Variants in PPP6R1 observed in about 807,000 individuals in gnomAD.
The protein encoded by PPP6R1 is serine/threonine-protein phosphatase 6 regulatory subunit 1.
Under a neutral mutation model 104.6 loss-of-function variants are expected in PPP6R1, and 39 were observed. The observed-to-expected ratio is 0.37, with a 90% confidence interval of 0.29 to 0.49. The LOEUF is 0.49. Ranked by LOEUF, PPP6R1 falls within the 20% of genes least tolerant of loss-of-function variation. The pLI is 0.98. For synonymous variants in PPP6R1, 549 were observed against 479.0 expected (o/e 1.15, Z -1.91); for missense variants, 1,181 against 1,155.8 (o/e 1.02, Z -0.32).
At chr19:55,230,953 C>G (rs1382552644) in intron 21 of PPP6R1, 69 bp from the exon 22 acceptor site, 9 of 1,335,546 alleles carry the variant, frequency 6.7e-6, no homozygotes, top group Non-Finnish European at 9.4e-6. Flanking sequence ...CCTCACATCC[C>G]ACCCGACTGA....
rs1156827419 is a variant in PPP6R1, at chr19:55,246,520, A to AT, written c.227+356dup. 3.3e-5 allele frequency among the ~76,000 whole-genome samples: 5 copies of AT among 152,248 alleles called. No homozygotes were observed. In the East Asian group the frequency reaches 9.6e-4, roughly 29 times the overall value. ...TTCACAAACATACAAAAAAAGTTTA[A>AT]TAAAAAGTAAATAAAATAAAAGGCG... is the stretch of plus-strand genomic sequence containing the variant. On this transcript the variant is annotated intron_variant, in intron 2 of 23. Transcript: ENST00000412770.
Position 55,245,117 on chromosome 19 carries a change from C to G in PPP6R1, c.618+3G>C, listed in dbSNP as rs1364647763. The stretch of plus-strand genomic sequence containing the variant: ...AATCCGCAGGGGCATCGGCAGCACT[C>G]ACATTCTCATCCTTCGACGGGTGGA... On this transcript the variant is annotated splice_donor_region_variant and intron_variant, in intron 5 of 23. Transcript: ENST00000412770. The surrounding 1 kb of genome is among the most constrained non-coding windows in gnomAD (Gnocchi z 6.4). 1.2e-6 allele frequency: 2 copies of G among 1,613,248 alleles called. No homozygotes were observed. Among genetic ancestry groups the G allele is most frequent in the Non-Finnish European group, 1.7e-6 (2 of 1,179,676 alleles).
rs780574772 is a variant in PPP6R1 at position 55,240,304 on chromosome 19, C to T, written c.1297-4G>A. The T allele has an allele frequency of 2.0e-5, 32 of 1,585,858 alleles. No individual in the cohort carries two copies. The Admixed American group carries it at 4.5e-4, about 22-fold the overall frequency. On this transcript the variant is annotated splice_polypyrimidine_tract_variant and splice_region_variant and intron_variant, in intron 10 of 23. Transcript: ENST00000412770. ...CCAGGCGGCACTGCTGCAGCAGCTG[C>T]GGGAGAGCGGGACAGGATGGCCTGG...
rs1168687611 is a variant in PPP6R1, at chr19:55,239,748, C to T, written c.1564-65G>A. 11 of 1,586,536 alleles carry T rather than the reference C, an allele frequency of 6.9e-6. No homozygotes were observed. In the Admixed American group the frequency reaches 1.0e-4, roughly 15 times the overall value. The stretch of plus-strand genomic sequence containing the variant: ...CAGACCAGGGTGGGCAGGCAGCTAT[C>T]GGTGGCGGTGGGAGGCTAAGACTGG... On this transcript the variant is annotated intron_variant, in intron 13 of 23. Coordinates refer to ENST00000412770, the MANE Select transcript of PPP6R1 (RefSeq NM_014931.4).
At chr19:55,253,661 A>T (rs753208130) in intron 1 of PPP6R1, among the ~76,000 whole-genome samples, 1 of 152,238 alleles carries the variant, frequency 6.6e-6, no homozygotes, top group Non-Finnish European at 1.5e-5. Context: ...ACAGACCTCA[A>T]TTATCAGGCT....
At chr19:55,230,946 C>T (rs1245243718) in intron 21 of PPP6R1, 62 bp from the exon 22 acceptor site, 7 of 1,361,016 alleles carry the variant, frequency 5.1e-6, no homozygotes, top group African/African-American at 4.3e-5. Context: ...CTGACACCCT[C>T]ACATCCCACC....
Position 55,230,849 on chromosome 19 carries a change from G to C in PPP6R1, c.2495C>G (p.Ser832Cys), listed in dbSNP as rs758383024. 5 of 1,605,794 alleles carry C rather than the reference G, an allele frequency of 3.1e-6. No homozygotes were observed. In the South Asian group the frequency reaches 4.4e-5, roughly 14 times the overall value. The change falls in exon 22 of 24, where the codon TCC becomes TGC. Residue 832 changes from serine (S) to cysteine (C), a missense_variant. Transcript: ENST00000412770. ...GGTCTGGGGGGGCTGGTGGGCCCCG[G>C]AGGCTGGGACAGAGGTAGAGGGGTC... is the stretch of plus-strand genomic sequence containing the variant. Reference protein sequence around the residue: ...TRDPSTSVPASGAHQPPQTTE... With the variant: ...TRDPSTSVPACGAHQPPQTTE...
chr19:55,256,817 A>G (rs947379497), intron 1 of PPP6R1, among the ~76,000 whole-genome samples: 10 of 152,228 alleles, frequency 6.6e-5, no homozygotes, highest in Admixed American at 5.9e-4. Flanking sequence ...ACCCAGTCTC[A>G]AAATCATCAA....
At chr19:55,246,805 C>T (rs2087512686) in intron 2 of PPP6R1, 72 bp downstream of exon 2, 6 of 1,319,386 alleles carry the variant, frequency 4.5e-6, no homozygotes, top group Non-Finnish European at 6.2e-6. Context: ...TTCAGGGTAG[C>T]TGTGAGGCTT....
In PPP6R1 at chr19:55,241,891, C is replaced by T. The variant is rs2087461778; in HGVS notation, c.846-252G>A. On this transcript the variant is annotated intron_variant, in intron 7 of 23. Transcript: ENST00000412770. The surrounding 1 kb of genome is among the most constrained non-coding windows in gnomAD (Gnocchi z 5.4). ...CGGGAAGGCAAACCCAACAGGCTAG[C>T]GGCCTGTGTGGTAAGGCAGGGGCAC... Among the ~76,000 whole-genome samples the T allele has an allele frequency of 6.6e-6, 1 of 152,194 alleles. No individual in the cohort carries two copies. Among genetic ancestry groups the T allele is most frequent in the South Asian group, 2.1e-4 (1 of 4,832 alleles).
At chr19:55,235,842 T>TC (rs1480270193) in intron 17 of PPP6R1, among the ~76,000 whole-genome samples, 35 of 137,792 alleles carry the variant, frequency 2.5e-4, no homozygotes, top group Admixed American at 1.4e-3. Context: ...TGTTGATTCT[T>TC]TTTTTTTTTT....
At position 55,258,536 on chromosome 19, in the gene PPP6R1, T is replaced by C. The variant is rs1600121887; in HGVS notation, c.-108A>G. 7.0e-6 allele frequency: 1 copy of C among 143,522 alleles called. No individual in the cohort carries two copies. The highest frequency in any genetic ancestry group is 6.9e-5 in the Admixed American group (1 of 14,526). The allele number at this position is 143,522 out of a possible 1,614,324, so 8.9% of individuals were successfully genotyped here. On this transcript the variant is annotated 5_prime_UTR_variant, in exon 1 of 24. Transcript: ENST00000412770. ...GGCCCCTGCTGCGGGGCCCGGTGAG[T>C]GGGGGCGGGGGCGGCGTCGGGGACT...
At chr19:55,235,711 G>A (rs1384860670) in intron 17 of PPP6R1, among the ~76,000 whole-genome samples, 2 of 151,658 alleles carry the variant, frequency 1.3e-5, no homozygotes, top group African/African-American at 4.8e-5. Context: ...GTAGAGACGG[G>A]GTTTCACCAT....
At chr19:55,228,301 A>T (rs574958900), downstream of PPP6R1, 2 of 1,613,756 alleles carry the variant, frequency 1.2e-6, no homozygotes, top group South Asian at 2.2e-5. Flanking sequence ...GACCCACAGG[A>T]ACCCAGCCAG....
intron 1 of PPP6R1, among the ~76,000 whole-genome samples, chr19:55,248,956 G>T (rs1488296767): frequency 6.6e-6 from 1 of 152,202 alleles, no homozygotes; most frequent in African/African-American, 2.4e-5. Flanking sequence ...AGCACAGAAG[G>T]TTGCAGTCCA....
rs201119097 is a variant in PPP6R1, at chr19:55,242,246, C to T, written c.765G>A (p.Met255Ile). The T allele has an allele frequency of 7.6e-5, 122 of 1,613,840 alleles. No individual in the cohort carries two copies. Among genetic ancestry groups the T allele is most frequent in the Admixed American group, 3.3e-5 (2 of 60,008 alleles). Residue 255 changes from methionine to isoleucine, a missense_variant, in exon 7 of 24, where the codon ATG (methionine) becomes ATA (isoleucine). Coordinates refer to ENST00000412770, the MANE Select transcript of PPP6R1 (RefSeq NM_014931.4). ...CAGACTGGCTCTGCTCCCCCTCGAA[C>T]ATGTTGCTTAAGAGCTGCTCAATCG... The part of the protein sequence containing the change: ...QETIEQLLSN[M>I]FEGEQSQSVI...
chr19:55,239,352 C>CCTG, intron 15 of PPP6R1, 53 bp downstream of exon 15: 19 of 1,533,686 alleles, frequency 1.2e-5, no homozygotes, highest in Non-Finnish European at 1.7e-5. Flanking sequence ...AGTAGGCGCG[C>CCTG]CTGCTGCTGC....
Position 55,236,988 on chromosome 19 carries a change from G to C in PPP6R1, c.1752-18C>G, listed in dbSNP as rs184174154. ...AAGGTGCGCTAGGAGAGAAGGCAAGGCATGGTGAGAAGGTCCACCTGGGGG... is the reference window on the plus strand; with the variant it reads ...AAGGTGCGCTAGGAGAGAAGGCAAGCCATGGTGAGAAGGTCCACCTGGGGG... On this transcript the variant is annotated intron_variant, in intron 15 of 23. Coordinates refer to ENST00000412770, the MANE Select transcript of PPP6R1 (RefSeq NM_014931.4). 2.5e-6 allele frequency: 4 copies of C among 1,601,098 alleles called. No homozygotes were observed. The highest frequency in any genetic ancestry group is 2.2e-5 in the East Asian group (1 of 44,812).
chr19:55,243,392 G>A (rs1335561709), intron 5 of PPP6R1, among the ~76,000 whole-genome samples: 5 of 137,538 alleles, frequency 3.6e-5, no homozygotes, highest in Middle Eastern at 3.8e-3. Flanking sequence ...TAGACAGAGC[G>A]AGACTCCATC....
Sources: gnomAD v4.1 joint callset for allele counts (sites outside exome capture counted in the v4.1 genomes callset) on GRCh38, gnomAD v4.1.1 for gene constraint, Gnocchi (gnomAD v3.1) non-coding constraint, MANE v1.5 for transcripts, NCBI Gene and HGNC (gene_info 2026-07-23, HGNC 2026-07-21) for gene names.